Variants in CDH10 observed in about 807,000 individuals in gnomAD.
CDH10 encodes the protein cadherin 10.
CDH10 carries 30 observed loss-of-function variants against 73.1 expected under a neutral mutation model. That is an observed-to-expected ratio of 0.41 (90% CI 0.31 to 0.56). The LOEUF is 0.56. CDH10 is among the 20% of genes least tolerant of loss of function. The probability of loss-of-function intolerance (pLI) is 0.27; values close to 1 mark genes in which losing one functional copy is unlikely to be tolerated. For missense variants in CDH10, 815 were observed against 973.7 expected, an observed-to-expected ratio of 0.84 and a Z score of 2.17; for synonymous variants, 345 against 348.2, an observed-to-expected ratio of 0.99 and a Z score of 0.10.
intron 2 of CDH10, among the ~76,000 whole-genome samples, chr5:24,552,458 A>C (rs1744581912): frequency 6.6e-6 from 1 of 151,968 alleles, no homozygotes; most frequent in Non-Finnish European, 1.5e-5. Flanking sequence ...TTTTTCCTAT[A>C]ATCTGATAGA....
intron 2 of CDH10, among the ~76,000 whole-genome samples, chr5:24,592,427 A>G (rs1306275895): frequency 6.6e-6 from 1 of 151,342 alleles, no homozygotes; most frequent in Non-Finnish European, 1.5e-5. Flanking sequence ...AAAAATAATA[A>G]TATTGACTAT....
intron 1 of CDH10, among the ~76,000 whole-genome samples, chr5:24,598,080 A>C (rs1746432103): frequency 6.6e-6 from 1 of 152,028 alleles, no homozygotes; most frequent in Non-Finnish European, 1.5e-5. Context: ...CTGAAAAATA[A>C]AGGAAAATTT....
At chr5:24,490,121 C>A (rs960010817) in intron 11 of CDH10, among the ~76,000 whole-genome samples, 21 of 152,020 alleles carry the variant, frequency 1.4e-4, no homozygotes, top group Non-Finnish European at 2.5e-4. Context: ...AAACTTACTA[C>A]CATTAATATT....
intron 2 of CDH10, among the ~76,000 whole-genome samples, chr5:24,548,137 T>C (rs1044753302): frequency 1.3e-5 from 2 of 152,042 alleles, no homozygotes; most frequent in African/African-American, 2.4e-5. Flanking sequence ...TTTTCTCTTT[T>C]TTTTTTCTGA....
At chr5:24,514,040 T>A (rs1354850262) in intron 5 of CDH10, among the ~76,000 whole-genome samples, 2 of 152,172 alleles carry the variant, frequency 1.3e-5, no homozygotes, top group African/African-American at 4.8e-5. Flanking sequence ...ATCTAAGAGT[T>A]CATCTGAGTG....
At chr5:24,580,767 C>T (rs1253384260) in intron 2 of CDH10, among the ~76,000 whole-genome samples, 1 of 152,008 alleles carries the variant, frequency 6.6e-6, no homozygotes, top group African/African-American at 2.4e-5. Context: ...AGTCTAAAAC[C>T]AAGGAGATGA....
chr5:24,586,499 T>C (rs1052861512), intron 2 of CDH10, among the ~76,000 whole-genome samples: 16 of 141,536 alleles, frequency 1.1e-4, no homozygotes, highest in Admixed American at 1.5e-4. Flanking sequence ...GAGTGGTGCA[T>C]TGGGGCAATC....
intron 9 of CDH10, among the ~76,000 whole-genome samples, chr5:24,496,545 G>C (rs1742295381): frequency 6.6e-6 from 1 of 152,174 alleles, no homozygotes. Flanking sequence ...CAAGAGCAGG[G>C]AATGGTCATT....
intron 1 of CDH10, among the ~76,000 whole-genome samples, chr5:24,624,399 T>C (rs1350266509): frequency 6.6e-6 from 1 of 152,128 alleles, no homozygotes; most frequent in African/African-American, 2.4e-5. Context: ...CTACAAATTA[T>C]GGGTAAACAA....
intron 2 of CDH10, among the ~76,000 whole-genome samples, chr5:24,588,918 A>G (rs949865769): frequency 3.3e-5 from 5 of 152,322 alleles, no homozygotes; most frequent in Non-Finnish European, 2.9e-5. Context: ...GTACAGCAAA[A>G]ACCCTCAAAC....
At chr5:24,606,451 A>C (rs1014597605) in intron 1 of CDH10, among the ~76,000 whole-genome samples, 2 of 152,052 alleles carry the variant, frequency 1.3e-5, no homozygotes, top group Non-Finnish European at 2.9e-5. Flanking sequence ...TCTCTACTAA[A>C]AATACAAAAA....
chr5:24,517,287 T>C (rs1743143486), intron 5 of CDH10, among the ~76,000 whole-genome samples: 1 of 152,220 alleles, frequency 6.6e-6, no homozygotes, highest in South Asian at 2.1e-4. Flanking sequence ...ATTTCATTTC[T>C]TGGCGTGAAA....
intron 1 of CDH10, among the ~76,000 whole-genome samples, chr5:24,637,917 T>C (rs1025967982): frequency 4.0e-5 from 6 of 151,806 alleles, no homozygotes; most frequent in African/African-American, 1.2e-4. Flanking sequence ...ATCCACACTT[T>C]TTTCTTCTTC....
chr5:24,553,756 C>T (rs10056046), intron 2 of CDH10, among the ~76,000 whole-genome samples: 100,343 of 151,818 alleles, frequency 0.66, 33,277 homozygotes, highest in East Asian at 0.76. Flanking sequence ...ATTGAATCCC[C>T]ATCAAGATGT....
At position 24,608,291 on chromosome 5, in the gene CDH10, G is replaced by GT. The variant is rs112136844; in HGVS notation, c.-123-14679dup. 9.8e-3 allele frequency among the ~76,000 whole-genome samples: 1,487 copies of GT among 151,058 alleles called. 23 individuals are homozygous for GT. The highest frequency in any genetic ancestry group is 0.034 in the African/African-American group (1,404 of 41,184). ...GGCTTAATTTATTTACATTTTGAAT[G>GT]TTTTTTTTTATTATTATTTTGAGAT... On this transcript the variant is annotated intron_variant, in intron 1 of 11. Transcript: ENST00000264463.
intron 1 of CDH10, among the ~76,000 whole-genome samples, chr5:24,637,665 G>T (rs1479920669): frequency 1.3e-5 from 2 of 151,686 alleles, no homozygotes; most frequent in African/African-American, 4.8e-5. Context: ...TAGATAACAG[G>T]ATACCAGTTA....
intron 1 of CDH10, chr5:24,609,896 C>T (rs572880955): frequency 1.2e-3 from 187 of 152,406 alleles, no homozygotes; most frequent in Non-Finnish European, 2.0e-3. Context: ...CACTGCCTGT[C>T]GGATGTTCAT....
At chr5:24,610,999 G>A (rs868231457) in intron 1 of CDH10, among the ~76,000 whole-genome samples, 17 of 152,122 alleles carry the variant, frequency 1.1e-4, no homozygotes, top group Middle Eastern at 3.4e-3. Flanking sequence ...GCTATTACAC[G>A]CCAAACACAT....
chr5:24,521,128 C>T lies in CDH10; in HGVS notation c.815-9614G>A, dbSNP rs114811377. On this transcript the variant is annotated intron_variant, in intron 5 of 11. Coordinates refer to ENST00000264463, the MANE Select transcript of CDH10 (RefSeq NM_006727.5). ...ACAAAAAACAGAAAAGCAACAAAAA[C>T]TCAAACTCAAACACCCCCAAAACAA... Among the ~76,000 whole-genome samples the T allele has an allele frequency of 5.0e-3, 758 of 152,250 alleles. 10 individuals are homozygous for T. The highest frequency in any genetic ancestry group is 0.017 in the African/African-American group (716 of 41,556).
Sources: allele counts gnomAD v4.1 joint callset (sites outside exome capture counted in the v4.1 genomes callset), GRCh38; gene constraint gnomAD v4.1.1; transcripts MANE v1.5; gene names NCBI Gene and HGNC (gene_info 2026-07-23, HGNC 2026-07-21).